Variants in DCC observed in about 807,000 individuals in gnomAD.
The protein encoded by DCC is netrin receptor DCC.
DCC carries 58 observed loss-of-function variants against 172.5 expected under a neutral mutation model. The ratio of observed to expected loss-of-function variants is 0.34; its 90% confidence interval spans 0.27 to 0.42. The LOEUF is 0.42. Ranked by LOEUF, DCC falls within the 10% of genes least tolerant of loss-of-function variation. DCC has a pLI of 1.00. For synonymous variants in DCC, 709 were observed against 644.5 expected (o/e 1.10, Z -1.52); for missense variants, 1,740 against 1,791.0 (o/e 0.97, Z 0.51).
chr18:53,142,114 A>G (rs1357926824), intron 7 of DCC, among the ~76,000 whole-genome samples: 1 of 152,214 alleles, frequency 6.6e-6, no homozygotes, highest in Non-Finnish European at 1.5e-5. Flanking sequence ...ACCTAAGTTG[A>G]AAAATGGAAT....
chr18:53,154,727 C>A (rs1309885449), intron 7 of DCC, among the ~76,000 whole-genome samples: 1 of 152,036 alleles, frequency 6.6e-6, no homozygotes, highest in Non-Finnish European at 1.5e-5. Flanking sequence ...AGTCAGGAAT[C>A]AAGGATGGGC....
At chr18:52,916,629 A>T (rs1047258772) in intron 3 of DCC, among the ~76,000 whole-genome samples, 2 of 152,228 alleles carry the variant, frequency 1.3e-5, no homozygotes, top group African/African-American at 2.4e-5. Flanking sequence ...AGATTTTTAC[A>T]TAACATAGCA....
chr18:52,425,932 T>C (rs1363299449), intron 1 of DCC, among the ~76,000 whole-genome samples: 3 of 152,160 alleles, frequency 2.0e-5, no homozygotes, highest in African/African-American at 7.2e-5. Flanking sequence ...TATAATATTC[T>C]CTGTCATCTT....
intron 5 of DCC, among the ~76,000 whole-genome samples, chr18:52,947,472 C>T (rs1392184279): frequency 6.6e-6 from 1 of 152,098 alleles, no homozygotes; most frequent in Non-Finnish European, 1.5e-5. Flanking sequence ...AGTAGGAGAG[C>T]TGATATAGCA....
intron 2 of DCC, among the ~76,000 whole-genome samples, chr18:52,800,442 C>T (rs571363697): frequency 6.6e-6 from 1 of 152,178 alleles, no homozygotes; most frequent in Non-Finnish European, 1.5e-5. Flanking sequence ...ATTTGAGCAG[C>T]ATCTTATCTT....
At position 52,925,251 on chromosome 18, in the gene DCC, T is replaced by C. The variant is rs1025818300; in HGVS notation, c.866T>C (p.Leu289Ser). ...VIQLRSKKYSLLGGSNLLISN... is the reference protein window; with the variant it reads ...VIQLRSKKYSSLGGSNLLISN... ...TCTTGCAGGTCTAAAAAGTATTCTTTATTGGGTGGAAGCAACTTGCTTATC... is the reference window on the plus strand; with the variant it reads ...TCTTGCAGGTCTAAAAAGTATTCTTCATTGGGTGGAAGCAACTTGCTTATC... The change falls in exon 5 of 29, where the codon TTA (leucine) becomes TCA (serine). Residue 289 changes from leucine (L) to serine (S), a missense_variant. By Grantham distance (145) the Leu-to-Ser change is moderately radical (BLOSUM62 -2). This residue lies in a region of DCC where 1,732 missense variants were observed against 1,767.4 expected (regional missense o/e 0.98). Transcript: ENST00000442544. 8 of 1,612,370 alleles carry C rather than the reference T, an allele frequency of 5.0e-6. No homozygotes were observed. The highest frequency in any genetic ancestry group is 5.9e-6 in the Non-Finnish European group (7 of 1,178,772).
intron 1 of DCC, among the ~76,000 whole-genome samples, chr18:52,664,740 G>A (rs990012822): frequency 6.6e-6 from 1 of 151,722 alleles, no homozygotes; most frequent in African/African-American, 2.4e-5. Context: ...CAAAGTGCTG[G>A]GATTACAGGT....
chr18:52,695,922 C>T (rs982374534), intron 1 of DCC, among the ~76,000 whole-genome samples: 13 of 152,302 alleles, frequency 8.5e-5, no homozygotes, highest in Non-Finnish European at 1.9e-4. Flanking sequence ...GGCAGAACAA[C>T]TGGTCCCAGG....
intron 15 of DCC, among the ~76,000 whole-genome samples, chr18:53,370,602 A>G (rs1364530922): frequency 2.6e-5 from 4 of 151,624 alleles, no homozygotes; most frequent in Non-Finnish European, 5.9e-5. Context: ...GGTTCCATGT[A>G]TTTTCTAATT....
intron 1 of DCC, among the ~76,000 whole-genome samples, chr18:52,746,355 T>C (rs576018175): frequency 6.6e-6 from 1 of 152,336 alleles, no homozygotes; most frequent in African/African-American, 2.4e-5. Context: ...TTGTATGACA[T>C]TTTCTAATCT....
chr18:53,087,669 T>C (rs2144164573), intron 7 of DCC, among the ~76,000 whole-genome samples: 1 of 152,086 alleles, frequency 6.6e-6, no homozygotes, highest in African/African-American at 2.4e-5. Context: ...AGACATGAAG[T>C]CCTTGCCCAT....
At chr18:53,008,577 A>T (rs144336758) in intron 5 of DCC, among the ~76,000 whole-genome samples, 1 of 152,102 alleles carries the variant, frequency 6.6e-6, no homozygotes. Context: ...TAAATATTAC[A>T]TAAGTGTAAA....
intron 1 of DCC, among the ~76,000 whole-genome samples, chr18:52,533,425 G>C (rs77030858): frequency 1.8e-4 from 28 of 151,942 alleles, no homozygotes; most frequent in Non-Finnish European, 5.9e-5. Context: ...CTAGCCTCTC[G>C]CAACCACTAA....
At chr18:53,064,022 G>C (rs183289814) in intron 6 of DCC, among the ~76,000 whole-genome samples, 3 of 152,226 alleles carry the variant, frequency 2.0e-5, no homozygotes, top group Non-Finnish European at 4.4e-5. Context: ...GCAGTCATAG[G>C]CCATGAAGAA....
At position 53,450,564 on chromosome 18, in the gene DCC, G is replaced by T. The variant is rs1336185797; in HGVS notation, c.3294G>T (p.Leu1098=). Residue 1098 remains leucine (L), a synonymous_variant, in exon 23 of 29, where the codon CTG becomes CTT. Transcript: ENST00000442544. ...TCACTCCTCAGAAGAACAGCAACCT[G>T]CTTGTGATCATTGTGGTCACCGTTG... The part of the protein sequence containing the change: ...GSVTPQKNSN[L]LVIIVVTVGV... 1.9e-6 allele frequency: 3 copies of T among 1,614,012 alleles called. No homozygotes were observed.
intron 15 of DCC, among the ~76,000 whole-genome samples, chr18:53,343,681 T>C (rs953695707): frequency 6.6e-6 from 1 of 152,006 alleles, no homozygotes; most frequent in Non-Finnish European, 1.5e-5. Context: ...TAAAATGAGC[T>C]GGATAGTATT....
At chr18:52,393,153 T>A (rs1281650842) in intron 1 of DCC, among the ~76,000 whole-genome samples, 1 of 152,252 alleles carries the variant, frequency 6.6e-6, no homozygotes, top group East Asian at 1.9e-4. Context: ...ATCTGTGTGA[T>A]CATGGTTCAG....
At chr18:53,437,308 TG>T (rs1039721303) in intron 22 of DCC, among the ~76,000 whole-genome samples, 16 of 151,970 alleles carry the variant, frequency 1.1e-4, no homozygotes, top group African/African-American at 3.6e-4. Flanking sequence ...GGGCTGGGTG[TG>T]GTGGCTCACG....
chr18:52,791,064 G>T (rs1255515234), intron 2 of DCC, among the ~76,000 whole-genome samples: 1 of 152,126 alleles, frequency 6.6e-6, no homozygotes, highest in Non-Finnish European at 1.5e-5. Context: ...GGAGCTGGTG[G>T]TGTGGTTGGA....
Sources: gnomAD v4.1 joint callset for allele counts (sites outside exome capture counted in the v4.1 genomes callset) on GRCh38, gnomAD v4.1.1 for gene constraint, gnomAD v4.1.1 regional missense constraint, MANE v1.5 for transcripts, NCBI Gene and HGNC (gene_info 2026-07-23, HGNC 2026-07-21) for gene names.